TECRL: variants seen among roughly 807,000 people sequenced by gnomAD.
The protein encoded by TECRL is trans-2,3-enoyl-CoA reductase like, also known as trans-2,3-enoyl-CoA reductase-like.
A neutral mutation model predicts 52.8 loss-of-function variants in TECRL; 63 were observed. The ratio of observed to expected loss-of-function variants is 1.19; its 90% CI spans 0.97 to 1.47. The LOEUF (loss-of-function observed/expected upper bound fraction) is 1.47, where lower values mean the gene tolerates loss of function less well. TECRL is among the 40% of genes most tolerant of loss of function. The pLI, the probability that TECRL is intolerant of heterozygous loss-of-function variation, is 0.00. For missense variants in TECRL, 482 were observed against 429.6 expected (o/e 1.12, Z -1.08); for synonymous variants, 164 against 141.9 (o/e 1.16, Z -1.10).
intron 8 of TECRL, among the ~76,000 whole-genome samples, chr4:64,295,085 G>C (rs1034830957): frequency 6.6e-6 from 1 of 151,256 alleles, no homozygotes; most frequent in Non-Finnish European, 1.5e-5. Context: ...TTATTATGAA[G>C]CTCCTTCATA....
intron 5 of TECRL, among the ~76,000 whole-genome samples, chr4:64,311,867 T>C (rs1717029638): frequency 1.3e-5 from 2 of 152,196 alleles, no homozygotes; most frequent in Admixed American, 1.3e-4. Context: ...ATCTTATTTA[T>C]TTTAAATCAA....
At chr4:64,358,873 A>G (rs1399045408) in intron 2 of TECRL, among the ~76,000 whole-genome samples, 1 of 151,862 alleles carries the variant, frequency 6.6e-6, no homozygotes, top group Non-Finnish European at 1.5e-5. Flanking sequence ...GGAGGAATCT[A>G]AGTAACTTTG....
At chr4:64,357,925 A>T (rs1017907571) in intron 2 of TECRL, among the ~76,000 whole-genome samples, 3 of 151,812 alleles carry the variant, frequency 2.0e-5, no homozygotes, top group Non-Finnish European at 4.4e-5. Flanking sequence ...ATGAAGAAGA[A>T]TGTGGGTAAA....
intron 8 of TECRL, among the ~76,000 whole-genome samples, chr4:64,290,171 A>C (rs111265534): frequency 3.9e-5 from 6 of 152,246 alleles, no homozygotes; most frequent in African/African-American, 1.4e-4. Context: ...TGAAATGGTG[A>C]TTGTTTGATT....
chr4:64,368,443 A>ATGC (rs1282562548), intron 2 of TECRL, among the ~76,000 whole-genome samples: 2 of 74,972 alleles, frequency 2.7e-5, no homozygotes, highest in East Asian at 4.8e-4. Flanking sequence ...TTACAGGCGC[A>ATGC]CGCCACCACA....
chr4:64,354,020 C>G (rs533219315), intron 2 of TECRL, among the ~76,000 whole-genome samples: 1 of 152,156 alleles, frequency 6.6e-6, no homozygotes, highest in Non-Finnish European at 1.5e-5. Context: ...TGGTATGCCA[C>G]GTCAAATGCA....
intron 4 of TECRL, among the ~76,000 whole-genome samples, chr4:64,319,660 G>A (rs999564485): frequency 1.3e-5 from 2 of 151,752 alleles, no homozygotes; most frequent in African/African-American, 4.8e-5. Flanking sequence ...ATTCATTGCA[G>A]CTTTATTTGT....
intron 2 of TECRL, among the ~76,000 whole-genome samples, chr4:64,363,740 G>C (rs1047870049): frequency 2.0e-5 from 3 of 152,190 alleles, no homozygotes; most frequent in African/African-American, 7.2e-5. Flanking sequence ...TTAGGCTAAA[G>C]TGTGGGAGCT....
intron 2 of TECRL, among the ~76,000 whole-genome samples, chr4:64,343,783 T>C (rs1000556834): frequency 1.3e-5 from 2 of 152,080 alleles, no homozygotes; most frequent in African/African-American, 4.8e-5. Flanking sequence ...ATCTTGCTGG[T>C]TGATTGCTGA....
intron 7 of TECRL, among the ~76,000 whole-genome samples, chr4:64,300,613 C>T (rs1182994148): frequency 6.6e-6 from 1 of 150,680 alleles, no homozygotes; most frequent in Non-Finnish European, 1.5e-5. Context: ...TTGGAATATT[C>T]AATAATAATA....
intron 2 of TECRL, among the ~76,000 whole-genome samples, chr4:64,345,929 A>AAAAAAAAAAAAAAAAAAAG (rs1560516756): frequency 6.8e-6 from 1 of 147,264 alleles, no homozygotes; most frequent in Non-Finnish European, 1.5e-5. Context: ...AAAAAAAAAA[A>AAAAAAAAAAAAAAAAAAAG]AACATTTATC....
chr4:64,301,571 T>C (rs1446085237), intron 7 of TECRL, among the ~76,000 whole-genome samples: 2 of 142,438 alleles, frequency 1.4e-5, no homozygotes, highest in Non-Finnish European at 3.1e-5. Flanking sequence ...AATCACATGA[T>C]AACAAACGGA....
At chr4:64,284,104 G>T (rs1212615784) in intron 9 of TECRL, among the ~76,000 whole-genome samples, 1 of 151,994 alleles carries the variant, frequency 6.6e-6, no homozygotes, top group Non-Finnish European at 1.5e-5. Flanking sequence ...TTGAAAAGAG[G>T]GGTAAAGTAT....
intron 2 of TECRL, among the ~76,000 whole-genome samples, chr4:64,374,032 A>G (rs964388353): frequency 8.8e-6 from 1 of 113,924 alleles, no homozygotes; most frequent in Non-Finnish European, 1.8e-5. Flanking sequence ...ATACATATAT[A>G]TATATGTATA....
intron 5 of TECRL, among the ~76,000 whole-genome samples, chr4:64,310,486 G>A (rs570794525): frequency 1.3e-5 from 2 of 152,082 alleles, no homozygotes; most frequent in East Asian, 3.9e-4. Flanking sequence ...CCCTTTGTGT[G>A]TTTGTTTGTG....
intron 2 of TECRL, among the ~76,000 whole-genome samples, chr4:64,329,095 C>T (rs918786110): frequency 1.3e-5 from 2 of 151,596 alleles, no homozygotes; most frequent in African/African-American, 2.4e-5. Context: ...TTTGTACTAC[C>T]GTTAGGAATA....
chr4:64,334,498 C>A (rs1417978270), intron 2 of TECRL, among the ~76,000 whole-genome samples: 3 of 152,058 alleles, frequency 2.0e-5, no homozygotes. Context: ...AAACTATTTC[C>A]GCTCTCATTC....
chr4:64,401,669 T>A (rs931013841), intron 1 of TECRL, among the ~76,000 whole-genome samples: 2 of 152,210 alleles, frequency 1.3e-5, no homozygotes, highest in African/African-American at 4.8e-5. Flanking sequence ...AAGCTTCGTG[T>A]AATCTAAACT....
chr4:64,386,123 T>G (rs940290000), intron 1 of TECRL, among the ~76,000 whole-genome samples: 1 of 152,160 alleles, frequency 6.6e-6, no homozygotes, highest in African/African-American at 2.4e-5. Context: ...CCCAAAAGCT[T>G]GATTACTAAT....
Sources: gnomAD v4.1 joint callset for allele counts (sites outside exome capture counted in the v4.1 genomes callset) on GRCh38, gnomAD v4.1.1 for gene constraint, MANE v1.5 for transcripts, NCBI Gene and HGNC (gene_info 2026-07-23, HGNC 2026-07-21) for gene names.